The following NID2 variants were observed in gnomAD, a reference collection of about 807,000 sequenced individuals.
NID2 encodes the protein nidogen 2.
NID2 carries 83 observed loss-of-function variants against 145.4 expected under a neutral mutation model. The observed-to-expected ratio is 0.57, with a 90% CI of 0.48 to 0.69. NID2 has a LOEUF of 0.69. Ranked by LOEUF, NID2 falls within the 30% of genes least tolerant of loss-of-function variation. NID2 has a pLI of 0.00. For synonymous variants in NID2, 739 were observed against 701.3 expected, an observed-to-expected ratio of 1.05 and a Z score of -0.85; for missense variants, 1,807 against 1,765.7, an observed-to-expected ratio of 1.02 and a Z score of -0.42.
At chr14:52,047,111 A>G (rs185144701) in intron 5 of NID2, among the ~76,000 whole-genome samples, 1 of 152,230 alleles carries the variant, frequency 6.6e-6, no homozygotes, top group Non-Finnish European at 1.5e-5. Flanking sequence ...CTAGAAACTG[A>G]GGACATGGCA....
chr14:52,033,755 G>A (rs549539679), intron 9 of NID2, among the ~76,000 whole-genome samples: 3 of 152,268 alleles, frequency 2.0e-5, no homozygotes, highest in South Asian at 2.1e-4. Flanking sequence ...GAACAGTACT[G>A]CTGTGTGTGG....
chr14:52,063,943 C>T (rs995130704), intron 2 of NID2, among the ~76,000 whole-genome samples: 2 of 152,210 alleles, frequency 1.3e-5, no homozygotes, highest in Non-Finnish European at 2.9e-5. Flanking sequence ...TACTCTTCAG[C>T]AAAACGTCAG....
intron 9 of NID2, among the ~76,000 whole-genome samples, chr14:52,033,459 T>A (rs1416730888): frequency 6.6e-6 from 1 of 151,672 alleles, no homozygotes; most frequent in African/African-American, 2.4e-5. Flanking sequence ...CTCAAACAAC[T>A]GGTGGGGGGT....
intron 18 of NID2, chr14:52,010,579 C>T: frequency 4.3e-6 from 1 of 232,666 alleles, no homozygotes; most frequent in East Asian, 8.7e-5. Context: ...TCATTTGATT[C>T]AGAGTAGCCC....
intron 12 of NID2, 166 bp from the exon 13 acceptor site, chr14:52,020,344 C>T (rs780022665): frequency 7.8e-6 from 9 of 1,151,102 alleles, no homozygotes; most frequent in Non-Finnish European, 9.4e-6. Flanking sequence ...TAAAGGTAAG[C>T]TTAATAGAAA....
At chr14:52,015,979 C>A (rs936341772) in intron 14 of NID2, among the ~76,000 whole-genome samples, 26 of 152,182 alleles carry the variant, frequency 1.7e-4, no homozygotes, top group Admixed American at 1.6e-3. Context: ...AGCCACCCTG[C>A]GCCTGGGATT....
At chr14:52,031,984 G>C (rs1468591297) in intron 9 of NID2, among the ~76,000 whole-genome samples, 3 of 152,170 alleles carry the variant, frequency 2.0e-5, no homozygotes, top group South Asian at 4.1e-4. Flanking sequence ...CCCAAGTGCT[G>C]ACTGCTGCAG....
rs112969373 is a variant in NID2 at position 52,015,092 on chromosome 14, A to G, written c.3212T>C (p.Val1071Ala). Residue 1071 changes from valine to alanine, a missense_variant, in exon 15 of 22, where the codon GTG (valine) becomes GCG (alanine). Physicochemically the swap from Val to Ala is moderately conservative, Grantham distance 64. Coordinates refer to ENST00000216286, the MANE Select transcript of NID2 (RefSeq NM_007361.4). ...GCCTGGCTGGGAGCGGGTGCCCTGC[A>G]CCTCTCTGCCATCTTTGTCCACACA... ...CWCVDKDGRE[V>A]QGTRSQPGTT... is the part of the protein sequence containing the mutation. 8.1e-6 allele frequency: 13 copies of G among 1,613,722 alleles called. No homozygotes were observed. Among genetic ancestry groups the G allele is most frequent in the East Asian group, 6.7e-5 (3 of 44,862 alleles).
At chr14:52,027,981 T>C (rs1595020071) in intron 11 of NID2, among the ~76,000 whole-genome samples, 3 of 152,222 alleles carry the variant, frequency 2.0e-5, no homozygotes, top group African/African-American at 7.2e-5. Flanking sequence ...TAGTATTTTC[T>C]GGAAATACAG....
intron 18 of NID2, chr14:52,009,651 T>G (rs73284374): frequency 1.3e-5 from 2 of 152,188 alleles, no homozygotes; most frequent in African/African-American, 4.8e-5. Flanking sequence ...TGGCCAAAGT[T>G]TCATTGCCTA....
Position 52,042,260 on chromosome 14 carries a change from T to C in NID2, c.1670A>G (p.Tyr557Cys), listed in dbSNP as rs1011972610. ...GGCTCTGCCATCATTGCCCACGATA[T>C]ACGCATGCAGGTCCACATCAGTGAA... ...VHFTDVDLHA[Y>C]IVGNDGRAYT... Residue 557 changes from tyrosine to cysteine, a missense_variant, in exon 7 of 22, where the codon TAT (tyrosine) becomes TGT (cysteine). Coordinates refer to ENST00000216286, the MANE Select transcript of NID2 (RefSeq NM_007361.4). The C allele has an allele frequency of 6.2e-7, 1 of 1,614,118 alleles. No individual in the cohort carries two copies. Among genetic ancestry groups the C allele is most frequent in the Non-Finnish European group, 8.5e-7 (1 of 1,179,998 alleles).
At chr14:52,029,390 A>G (rs147026319) in intron 10 of NID2, among the ~76,000 whole-genome samples, 157 bp downstream of exon 10, 3 of 152,348 alleles carry the variant, frequency 2.0e-5, no homozygotes, top group African/African-American at 7.2e-5. Flanking sequence ...GCTATGCTTT[A>G]ATTTTTAAAT....
At position 52,040,688 on chromosome 14, in the gene NID2, G is replaced by C; in HGVS notation, c.1989C>G (p.Ile663Met). The change falls in exon 8 of 22, where the codon ATC becomes ATG. Residue 663 changes from isoleucine to methionine, a missense_variant. Physicochemically the swap from Ile to Met is conservative, Grantham distance 10 (BLOSUM62 1). Transcript: ENST00000216286. ...PYVSANFTAH[I>M]SPYKELYHYS... is the part of the protein sequence containing the mutation. ...AGTGGTACAGCTCCTTGTAGGGAGAGATGTGGGCTGTGAAATTTGCTGAGA... is the reference window on the plus strand; with the variant it reads ...AGTGGTACAGCTCCTTGTAGGGAGACATGTGGGCTGTGAAATTTGCTGAGA... 6.2e-7 allele frequency: 1 copy of C among 1,614,136 alleles called. No homozygotes were observed. The highest frequency in any genetic ancestry group is 8.5e-7 in the Non-Finnish European group (1 of 1,180,002).
rs1893286642 is a variant in NID2 at position 52,068,019 on chromosome 14, G to T, written c.373C>A (p.Arg125=). 2 of 1,613,032 alleles carry T rather than the reference G, an allele frequency of 1.2e-6. No individual in the cohort carries two copies. Among genetic ancestry groups the T allele is most frequent in the South Asian group, 2.2e-5 (2 of 91,038 alleles). ...TSHGRGRVLY[R]EDTSPAVLGL... is the part of the protein sequence containing the mutation. Reference sequence around the variant, plus strand: ...AGCACTGCGGGGGAGGTGTCCTCTCGGTACAGGACTCGGCCTCTGCCGTGG... The same window carrying T: ...AGCACTGCGGGGGAGGTGTCCTCTCTGTACAGGACTCGGCCTCTGCCGTGG... Residue 125 remains arginine (R), a synonymous_variant, in exon 2 of 22, where the codon CGA becomes AGA. Coordinates refer to ENST00000216286, the MANE Select transcript of NID2 (RefSeq NM_007361.4).
At chr14:52,029,496 C>T in intron 10 of NID2, 51 bp downstream of exon 10, 1 of 1,570,284 alleles carries the variant, frequency 6.4e-7, no homozygotes, top group Non-Finnish European at 8.7e-7. Flanking sequence ...CTGGGGAGGG[C>T]AGAGGAAAAA....
chr14:52,065,163 G>A (rs1228310367), intron 2 of NID2, among the ~76,000 whole-genome samples: 2 of 152,114 alleles, frequency 1.3e-5, no homozygotes, highest in Non-Finnish European at 2.9e-5. Flanking sequence ...CACCTGACAG[G>A]AATATCCATG....
At chr14:52,041,504 A>G (rs1892277692) in intron 7 of NID2, among the ~76,000 whole-genome samples, 1 of 152,184 alleles carries the variant, frequency 6.6e-6, no homozygotes, top group Admixed American at 6.5e-5. Flanking sequence ...AGAATCCAAA[A>G]AGTATCTTCT....
intron 14 of NID2, among the ~76,000 whole-genome samples, chr14:52,017,315 T>C (rs1891243041): frequency 2.0e-5 from 3 of 152,208 alleles, no homozygotes; most frequent in Admixed American, 1.3e-4. Flanking sequence ...CTTTCTCTTG[T>C]GCTTCTGGTT....
At chr14:52,007,431 C>G in intron 19 of NID2, 1 of 214,458 alleles carries the variant, frequency 4.7e-6, no homozygotes, top group Non-Finnish European at 9.3e-6. Context: ...TGCTACAATG[C>G]TTTCCAAAGA....
Sources: gnomAD v4.1 joint callset for allele counts (sites outside exome capture counted in the v4.1 genomes callset) on GRCh38, gnomAD v4.1.1 for gene constraint, MANE v1.5 for transcripts, NCBI Gene and HGNC (gene_info 2026-07-23, HGNC 2026-07-21) for gene names.